RFFL: variants seen among roughly 807,000 people sequenced by gnomAD.
RFFL encodes the protein ring finger and FYVE like domain containing E3 ubiquitin protein ligase.
A neutral mutation model predicts 40.4 loss-of-function variants in RFFL; 16 were observed. The ratio of observed to expected loss-of-function variants is 0.40; its 90% CI spans 0.27 to 0.60. The LOEUF is 0.60. Among genes scored for constraint, RFFL ranks in the 20% least tolerant of loss-of-function variants. The pLI, the probability that RFFL is intolerant of heterozygous loss-of-function variation, is 0.47. For synonymous variants in RFFL, 154 were observed against 167.9 expected (o/e 0.92, Z 0.64); for missense variants, 367 against 451.7 (o/e 0.81, Z 1.70).
chr17:35,039,436 T>A (rs1368918654), intron 1 of RFFL, among the ~76,000 whole-genome samples: 1 of 152,010 alleles, frequency 6.6e-6, no homozygotes, highest in Non-Finnish European at 1.5e-5. Flanking sequence ...GGCAGGATGG[T>A]CTTGATCTCC....
chr17:35,043,438 G>A (rs897028011), intron 1 of RFFL, among the ~76,000 whole-genome samples: 1 of 152,166 alleles, frequency 6.6e-6, no homozygotes, highest in African/African-American at 2.4e-5. Context: ...ATTATAATAA[G>A]GCATGGGCTC....
At chr17:35,087,153 T>C (rs1447064946) in intron 1 of RFFL, among the ~76,000 whole-genome samples, 2 of 152,070 alleles carry the variant, frequency 1.3e-5, no homozygotes, top group Non-Finnish European at 2.9e-5. Context: ...TGAGCCCAGT[T>C]CATGACGAAC....
At chr17:35,012,788 C>T (rs1223422685) in intron 6 of RFFL, among the ~76,000 whole-genome samples, 2 of 152,228 alleles carry the variant, frequency 1.3e-5, no homozygotes, top group Non-Finnish European at 1.5e-5. Flanking sequence ...ACCCCCATGA[C>T]TGCTTATCAC....
At chr17:35,047,210 G>T (rs2091204554) in intron 1 of RFFL, among the ~76,000 whole-genome samples, 1 of 152,146 alleles carries the variant, frequency 6.6e-6, no homozygotes, top group East Asian at 1.9e-4. Context: ...TGAAGGCAGG[G>T]ACTAGGTGAA....
intron 1 of RFFL, among the ~76,000 whole-genome samples, chr17:35,039,961 C>T (rs1285709005): frequency 6.6e-6 from 1 of 152,162 alleles, no homozygotes; most frequent in Non-Finnish European, 1.5e-5. Flanking sequence ...AGGCATGAGC[C>T]ACCGCATCTG....
intron 6 of RFFL, among the ~76,000 whole-genome samples, chr17:35,013,612 G>T (rs1389998968): frequency 6.6e-6 from 1 of 152,212 alleles, no homozygotes; most frequent in Non-Finnish European, 1.5e-5. Flanking sequence ...GGTAGGCTGG[G>T]TGTGAAAGGG....
intron 1 of RFFL, chr17:35,077,043 G>T: frequency 4.0e-6 from 1 of 251,150 alleles, no homozygotes; most frequent in South Asian, 4.9e-5. Context: ...AAATGTTCTG[G>T]TTTTTAAAAA....
upstream of RFFL, among the ~76,000 whole-genome samples, chr17:35,066,884 T>A (rs546162186): frequency 6.6e-6 from 1 of 152,036 alleles, no homozygotes; most frequent in Admixed American, 6.6e-5. Context: ...TTTTTTTTTT[T>A]AACTATAGAA....
intron 1 of RFFL, among the ~76,000 whole-genome samples, chr17:35,083,734 T>C (rs1029494957): frequency 3.5e-5 from 5 of 143,726 alleles, no homozygotes; most frequent in African/African-American, 1.3e-4. Context: ...TGAGCCAAGA[T>C]CACACCACTG....
rs1432424548 is a variant in RFFL, at chr17:35,017,621, A to C, written c.592-15T>G. The stretch of plus-strand genomic sequence containing the variant: ...TGGCCATTGGCCTGTGGGAAGAGAA[A>C]AGTAACATCACATCTAGAGATGTCC... On this transcript the variant is annotated splice_polypyrimidine_tract_variant and intron_variant, in intron 3 of 6. Coordinates refer to ENST00000394597, the MANE Select transcript of RFFL (RefSeq NM_001017368.2). 1 of 1,558,608 alleles carries C rather than the reference A, an allele frequency of 6.4e-7. No individual in the cohort carries two copies. Among genetic ancestry groups the C allele is most frequent in the Non-Finnish European group, 8.8e-7 (1 of 1,134,060 alleles).
At chr17:35,036,128 C>T (rs371238757) in intron 1 of RFFL, among the ~76,000 whole-genome samples, 1 of 152,122 alleles carries the variant, frequency 6.6e-6, no homozygotes, top group African/African-American at 2.4e-5. Context: ...TTTCAGAGGG[C>T]GGAAGGAAAG....
chr17:35,012,887 A>G (rs2090949867), intron 6 of RFFL, among the ~76,000 whole-genome samples: 1 of 152,268 alleles, frequency 6.6e-6, no homozygotes, highest in African/African-American at 2.4e-5. Flanking sequence ...TTTTACAATT[A>G]TATGCTTAGC....
intron 1 of RFFL, among the ~76,000 whole-genome samples, chr17:35,049,448 T>C (rs966379761): frequency 6.6e-6 from 1 of 152,172 alleles, no homozygotes; most frequent in Non-Finnish European, 1.5e-5. Flanking sequence ...GGTTATCCTA[T>C]AACCAATCCA....
At chr17:35,057,518 T>C (rs929959914) in intron 1 of RFFL, among the ~76,000 whole-genome samples, 1 of 151,520 alleles carries the variant, frequency 6.6e-6, no homozygotes, top group Non-Finnish European at 1.5e-5. Flanking sequence ...TGGCACACAG[T>C]AGGAGCTTAC....
intron 1 of RFFL, among the ~76,000 whole-genome samples, chr17:35,072,379 T>G (rs1258055728): frequency 6.6e-6 from 1 of 152,092 alleles, no homozygotes; most frequent in Non-Finnish European, 1.5e-5. Flanking sequence ...CATACTGTTA[T>G]GATTCCATTT....
At chr17:35,031,045 CACA>C (rs1284130677) in intron 1 of RFFL, among the ~76,000 whole-genome samples, 10 of 152,036 alleles carry the variant, frequency 6.6e-5, no homozygotes, top group East Asian at 1.9e-4. Flanking sequence ...CTACAGATTT[CACA>C]ACAATTACCA....
At position 35,021,736 on chromosome 17, in the gene RFFL, TCGA is replaced by T; in HGVS notation, c.223_225del (p.Ser76del). 6.2e-7 allele frequency: 1 copy of T among 1,614,204 alleles called. No individual in the cohort carries two copies. On this transcript the variant is annotated inframe_deletion, in exon 3 of 7. Transcript: ENST00000394597. ...AGGCGGGGCCCATTCCCTACTTGGC[TCGA>T]ACAGGTCATGCAAAAATTTTTCTTA...
intron 6 of RFFL, among the ~76,000 whole-genome samples, chr17:35,013,123 A>G (rs1230022270): frequency 6.6e-6 from 1 of 152,228 alleles, no homozygotes; most frequent in East Asian, 1.9e-4. Context: ...TGTTATTTTC[A>G]TTTTATAGAT....
chr17:35,038,212 C>T (rs1280384787), intron 1 of RFFL, among the ~76,000 whole-genome samples: 2 of 150,946 alleles, frequency 1.3e-5, no homozygotes, highest in Non-Finnish European at 2.9e-5. Context: ...TCGCTTGAAC[C>T]TGGGAGGCAG....
Sources: allele counts gnomAD v4.1 joint callset (sites outside exome capture counted in the v4.1 genomes callset), GRCh38; gene constraint gnomAD v4.1.1; transcripts MANE v1.5; gene names NCBI Gene and HGNC (gene_info 2026-07-23, HGNC 2026-07-21).